POLH: variants seen among roughly 807,000 people sequenced by gnomAD.
The protein encoded by POLH is DNA polymerase eta transcript.
A neutral mutation model predicts 73.6 loss-of-function variants in POLH; 53 were observed. The observed-to-expected ratio is 0.72, with a 90% confidence interval of 0.58 to 0.91. The LOEUF (loss-of-function observed/expected upper bound fraction) is 0.91, where lower values mean the gene tolerates loss of function less well. POLH is among the 40% of genes least tolerant of loss of function. The pLI, the probability that POLH is intolerant of heterozygous loss-of-function variation, is 0.00. For synonymous variants in POLH, 292 were observed against 308.5 expected (o/e 0.95, Z 0.56); for missense variants, 768 against 865.4 (o/e 0.89, Z 1.41).
intron 4 of POLH, 61 bp downstream of exon 4, chr6:43,587,550 A>T: frequency 8.9e-7 from 1 of 1,123,194 alleles, no homozygotes; most frequent in Non-Finnish European, 1.4e-6. Flanking sequence ...TTGCTTGGTC[A>T]TGCTGATTCT....
intron 1 of POLH, among the ~76,000 whole-genome samples, chr6:43,580,520 C>T (rs1763952379): frequency 1.4e-5 from 2 of 146,826 alleles, no homozygotes; most frequent in Non-Finnish European, 3.1e-5. Context: ...CCGGACGGGG[C>T]GGCTGGCCGG....
chr6:43,604,778 G>T (rs1329523543), intron 8 of POLH, 40 bp downstream of exon 8: 2 of 1,611,832 alleles, frequency 1.2e-6, no homozygotes, highest in East Asian at 4.5e-5. Context: ...CTCTTTTAAA[G>T]GGGTCAGTGG....
At chr6:43,592,332 A>G (rs75747735) in intron 4 of POLH, among the ~76,000 whole-genome samples, 3,657 of 151,928 alleles carry the variant, frequency 0.024, 156 homozygotes, top group African/African-American at 0.083. Flanking sequence ...CTTTCCATCA[A>G]CTTTTCCATC....
In POLH at chr6:43,616,630, A is replaced by AC. The variant is rs1298701715; in HGVS notation, c.*2074dup. ...AGAAAAACTTCTCTCTAGCTCTGTG[A>AC]CGGGCAGTTCAGATAATACCTTCAC... On this transcript the variant is annotated 3_prime_UTR_variant, in exon 11 of 11. Transcript: ENST00000372236. Among the ~76,000 whole-genome samples, 2 of 151,982 alleles carry AC rather than the reference A, an allele frequency of 1.3e-5. No homozygotes were observed. Among genetic ancestry groups the AC allele is most frequent in the Non-Finnish European group, 2.9e-5 (2 of 68,000 alleles).
At chr6:43,608,387 G>A (rs142487378) in intron 9 of POLH, among the ~76,000 whole-genome samples, 243 of 152,328 alleles carry the variant, frequency 1.6e-3, no homozygotes, top group African/African-American at 5.5e-3. Context: ...TAGCTGGAAT[G>A]GGTGGTAAAT....
chr6:43,594,104 T>C (rs1765779157), intron 4 of POLH, among the ~76,000 whole-genome samples: 1 of 152,030 alleles, frequency 6.6e-6, no homozygotes, highest in Admixed American at 6.6e-5. Flanking sequence ...TTAATACAGA[T>C]AAAGGATTAA....
intron 9 of POLH, among the ~76,000 whole-genome samples, chr6:43,605,615 A>C (rs557549769): frequency 3.3e-5 from 5 of 151,658 alleles, no homozygotes; most frequent in Admixed American, 2.0e-4. Flanking sequence ...CAACTGGCTA[A>C]ATTTTTTTAT....
rs886061433 is a variant in POLH at position 43,605,319 on chromosome 6, T to G, written c.1074T>G (p.Asp358Glu). ...LEERLTKDRN[D>E]NDRVATQLVV... Reference sequence around the variant, plus strand: ...AGAGACTGACTAAAGACCGAAATGATGTAAGATTTTCTTTCTTTATTCCTG... The same window carrying G: ...AGAGACTGACTAAAGACCGAAATGAGGTAAGATTTTCTTTCTTTATTCCTG... The change falls in exon 9 of 11, where the codon GAT becomes GAG. Residue 358 changes from aspartate to glutamate, a missense_variant and splice_region_variant. Asp to Glu is a conservative substitution (Grantham distance 45, BLOSUM62 2). Transcript: ENST00000372236. 4.5e-6 allele frequency: 7 copies of G among 1,555,844 alleles called. No homozygotes were observed. Among genetic ancestry groups the G allele is most frequent in the Non-Finnish European group, 6.2e-6 (7 of 1,127,862 alleles).
Position 43,619,105 on chromosome 6 carries a change from G to A in POLH, c.*4548G>A, listed in dbSNP as rs533130074. Among the ~76,000 whole-genome samples the A allele has an allele frequency of 2.0e-5, 3 of 152,094 alleles. No homozygotes were observed. The highest frequency in any genetic ancestry group is 6.5e-5 in the Admixed American group (1 of 15,270). On this transcript the variant is annotated 3_prime_UTR_variant, in exon 11 of 11. Transcript: ENST00000372236. Reference sequence around the variant, plus strand: ...TAAAAGACAATATTTAGCCAGTCACGGTGGCTGATGCTTGTAATCCTAACA... The same window carrying A: ...TAAAAGACAATATTTAGCCAGTCACAGTGGCTGATGCTTGTAATCCTAACA...
chr6:43,610,470 TAA>T, intron 9 of POLH, 82 bp from the exon 10 acceptor site: 1 of 1,148,950 alleles, frequency 8.7e-7, no homozygotes, highest in Non-Finnish European at 1.3e-6. Flanking sequence ...CTGGTTCTTT[TAA>T]TTTCCTCTCC....
At position 43,618,635 on chromosome 6, in the gene POLH, C is replaced by G. The variant is rs1374152310; in HGVS notation, c.*4078C>G. ...CATCCCTCCCATACATATACCCAAA[C>G]TTCTATTTTTTTATGTGACGGAGTT... On this transcript the variant is annotated 3_prime_UTR_variant, in exon 11 of 11. Coordinates refer to ENST00000372236, the MANE Select transcript of POLH (RefSeq NM_006502.3). 6.6e-6 allele frequency among the ~76,000 whole-genome samples: 1 copy of G among 151,976 alleles called. No homozygotes were observed. The highest frequency in any genetic ancestry group is 2.4e-5 in the African/African-American group (1 of 41,392).
rs1471853355 is a variant in POLH at position 43,619,754 on chromosome 6, A to C, written c.*5197A>C. 6.6e-6 allele frequency among the ~76,000 whole-genome samples: 1 copy of C among 152,256 alleles called. No individual in the cohort carries two copies. Among genetic ancestry groups the C allele is most frequent in the African/African-American group, 2.4e-5 (1 of 41,470 alleles). On this transcript the variant is annotated 3_prime_UTR_variant, in exon 11 of 11. Coordinates refer to ENST00000372236, the MANE Select transcript of POLH (RefSeq NM_006502.3). ...AAAGCTTTCATCTCTATCAGCAGCT[A>C]TAGAGAGGAAGTAAACAGCTTAGCC...
intron 1 of POLH, among the ~76,000 whole-genome samples, chr6:43,578,622 T>C (rs1763666767): frequency 6.6e-6 from 1 of 152,012 alleles, no homozygotes; most frequent in African/African-American, 2.4e-5. Flanking sequence ...AATATGCCAA[T>C]GTTCATTTTT....
Position 43,587,262 on chromosome 6 carries a change from T to C in POLH, c.273-10T>C, listed in dbSNP as rs762996471. On this transcript the variant is annotated splice_polypyrimidine_tract_variant and intron_variant, in intron 3 of 10. Transcript: ENST00000372236. ...TTATTGCCTGCATGAATGATCCTTA[T>C]ACTTCTTAGGTACCGGGAAGCCAGT... The C allele has an allele frequency of 3.1e-6, 5 of 1,607,506 alleles. No homozygotes were observed. The highest frequency in any genetic ancestry group is 1.3e-5 in the African/African-American group (1 of 74,956).
Position 43,617,067 on chromosome 6 carries a change from G to A in POLH, c.*2510G>A, listed in dbSNP as rs748750458. Among the ~76,000 whole-genome samples the A allele has an allele frequency of 1.3e-5, 2 of 152,186 alleles. No individual in the cohort carries two copies. Among genetic ancestry groups the A allele is most frequent in the African/African-American group, 2.4e-5 (1 of 41,446 alleles). On this transcript the variant is annotated 3_prime_UTR_variant, in exon 11 of 11. Transcript: ENST00000372236. Reference sequence around the variant, plus strand: ...TAGCCGGGCATGGTGGTGGGTGCGTGTAATCCCAGCTAGTTGGGAGGCTGA... The same window carrying A: ...TAGCCGGGCATGGTGGTGGGTGCGTATAATCCCAGCTAGTTGGGAGGCTGA...
chr6:43,612,480 G>A (rs1247257220), intron 10 of POLH, among the ~76,000 whole-genome samples: 2 of 151,276 alleles, frequency 1.3e-5, no homozygotes, highest in Non-Finnish European at 2.9e-5. Flanking sequence ...CTGAGTAGCT[G>A]GGATTACAGG....
intron 9 of POLH, 116 bp from the exon 10 acceptor site, chr6:43,610,438 C>T (rs1439731396): frequency 1.2e-6 from 1 of 818,370 alleles, no homozygotes; most frequent in African/African-American, 1.7e-5. Flanking sequence ...TTTTAAACTA[C>T]TGTTTCCAAA....
In POLH at chr6:43,618,370, G is replaced by A. The variant is rs1768482329; in HGVS notation, c.*3813G>A. Among the ~76,000 whole-genome samples, 1 of 152,068 alleles carries A rather than the reference G, an allele frequency of 6.6e-6. No individual in the cohort carries two copies. The highest frequency in any genetic ancestry group is 6.6e-5 in the Admixed American group (1 of 15,254). On this transcript the variant is annotated 3_prime_UTR_variant, in exon 11 of 11. Coordinates refer to ENST00000372236, the MANE Select transcript of POLH (RefSeq NM_006502.3). ...AGGTTTTCACCATGTTGGCCAGGCT[G>A]GTCTCTATCTAGACCTCGTGATCCA... is the stretch of plus-strand genomic sequence containing the variant.
chr6:43,610,660 A>G lies in POLH; in HGVS notation c.1181A>G (p.Lys394Arg), dbSNP rs149030396. 7.6e-5 allele frequency: 122 copies of G among 1,613,462 alleles called. No individual in the cohort carries two copies. The African/African-American group carries it at 1.1e-3, about 15-fold the overall frequency. The change falls in exon 10 of 11, where the codon AAG becomes AGG. Residue 394 changes from lysine (K) to arginine (R), a missense_variant. By Grantham distance (26) the Lys-to-Arg change is conservative (BLOSUM62 2). Coordinates refer to ENST00000372236, the MANE Select transcript of POLH (RefSeq NM_006502.3). Reference sequence around the variant, plus strand: ...GCCCTTACCCGCTATGATGCTCACAAGATGAGCCATGATGCATTTACTGTC... The same window carrying G: ...GCCCTTACCCGCTATGATGCTCACAGGATGAGCCATGATGCATTTACTGTC... ...CCALTRYDAH[K>R]MSHDAFTVIK... is the part of the protein sequence containing the mutation.
Sources: allele counts gnomAD v4.1 joint callset (sites outside exome capture counted in the v4.1 genomes callset), GRCh38; gene constraint gnomAD v4.1.1; transcripts MANE v1.5; gene names NCBI Gene and HGNC (gene_info 2026-07-23, HGNC 2026-07-21).